The following NRXN3 variants were observed in gnomAD, a reference collection of about 807,000 sequenced individuals.
The protein encoded by NRXN3 is neurexin 3, also known as neurexin III.
NRXN3 carries 32 observed loss-of-function variants against 137.6 expected under a neutral mutation model. The ratio of observed to expected loss-of-function variants is 0.23; its 90% CI spans 0.18 to 0.31. NRXN3 has a LOEUF of 0.31. NRXN3 is among the 10% of genes least tolerant of loss of function. The probability of loss-of-function intolerance (pLI) is 1.00; values close to 1 mark genes in which losing one functional copy is unlikely to be tolerated. For missense variants in NRXN3, 1,574 were observed against 2,062.5 expected, an observed-to-expected ratio of 0.76 and a Z score of 4.59; for synonymous variants, 798 against 784.5, an observed-to-expected ratio of 1.02 and a Z score of -0.29.
At chr14:78,927,955 A>C (rs1398921963) in intron 10 of NRXN3, among the ~76,000 whole-genome samples, 1 of 152,098 alleles carries the variant, frequency 6.6e-6, no homozygotes, top group African/African-American at 2.4e-5. Context: ...GGGGGAGCTT[A>C]TCTGCCCATG....
chr14:79,359,624 A>T (rs2093614959), intron 15 of NRXN3, among the ~76,000 whole-genome samples: 2 of 145,670 alleles, frequency 1.4e-5, no homozygotes, highest in Non-Finnish European at 3.0e-5. Flanking sequence ...AGGCTGGAGT[A>T]CAGTGGCGTG....
rs180941983 is a variant in NRXN3, at chr14:79,106,253, C to T, written c.3262+118112C>T. 1.7e-3 allele frequency among the ~76,000 whole-genome samples: 262 copies of T among 152,068 alleles called. 1 individual carries two copies. Among genetic ancestry groups the T allele is most frequent in the Middle Eastern group, 0.01 (3 of 294 alleles). On this transcript the variant is annotated intron_variant, in intron 15 of 20. Coordinates refer to ENST00000335750, the MANE Select transcript of NRXN3 (RefSeq NM_001330195.2). ...CTTCCAACAAAATGGCCTTGGATGA[C>T]GGTAGGTAGCAGGATGAAGAGAGTC...
chr14:78,599,853 A>G (rs938566537), intron 4 of NRXN3, among the ~76,000 whole-genome samples: 5 of 152,234 alleles, frequency 3.3e-5, no homozygotes, highest in African/African-American at 1.2e-4. Flanking sequence ...GGGTCCCATG[A>G]AAAGCTTGCT....
intron 4 of NRXN3, among the ~76,000 whole-genome samples, chr14:78,612,454 A>G (rs973850684): frequency 1.3e-5 from 2 of 152,230 alleles, no homozygotes; most frequent in African/African-American, 4.8e-5. Flanking sequence ...TGAAAGAATG[A>G]TTTATATTGA....
intron 8 of NRXN3, among the ~76,000 whole-genome samples, chr14:78,722,947 T>A (rs1369383186): frequency 6.6e-6 from 1 of 151,816 alleles, no homozygotes; most frequent in African/African-American, 2.4e-5. Flanking sequence ...GGAAAAAAAA[T>A]TCCAGGCAGA....
intron 16 of NRXN3, among the ~76,000 whole-genome samples, chr14:79,513,192 G>T (rs765456511): frequency 1.2e-4 from 19 of 152,200 alleles, no homozygotes; most frequent in Non-Finnish European, 2.4e-4. Context: ...ACATTGGAAA[G>T]CTATCTTTTG....
chr14:78,296,060 CTTT>C (rs1204627546), intron 3 of NRXN3, among the ~76,000 whole-genome samples: 3 of 130,184 alleles, frequency 2.3e-5, no homozygotes, highest in Admixed American at 7.7e-5. Context: ...CTCTCTCTGT[CTTT>C]TTTTTTTTTT....
chr14:79,801,379 A>T (rs916794014), intron 19 of NRXN3, among the ~76,000 whole-genome samples: 1 of 152,228 alleles, frequency 6.6e-6, no homozygotes, highest in African/African-American at 2.4e-5. Context: ...AACACTTCTA[A>T]TGTGGGGTAA....
intron 15 of NRXN3, among the ~76,000 whole-genome samples, chr14:79,268,970 C>A (rs2078873497): frequency 6.6e-6 from 1 of 151,970 alleles, no homozygotes; most frequent in Non-Finnish European, 1.5e-5. Flanking sequence ...TTATTTGATC[C>A]CTTGTTCTAC....
intron 17 of NRXN3, among the ~76,000 whole-genome samples, chr14:79,677,112 A>G (rs982621986): frequency 3.3e-5 from 5 of 152,052 alleles, no homozygotes; most frequent in Non-Finnish European, 7.4e-5. Context: ...TTTACTACAA[A>G]ACTTTTAAGC....
At chr14:78,772,740 G>A (rs559515542) in intron 8 of NRXN3, among the ~76,000 whole-genome samples, 1 of 152,172 alleles carries the variant, frequency 6.6e-6, no homozygotes, top group South Asian at 2.1e-4. Flanking sequence ...GAATTCCAGT[G>A]CTGCTAGTCA....
At chr14:79,471,423 T>G (rs1458135626) in intron 16 of NRXN3, among the ~76,000 whole-genome samples, 2 of 152,324 alleles carry the variant, frequency 1.3e-5, no homozygotes, top group East Asian at 3.9e-4. Context: ...TGCTTTAAGC[T>G]CCACAGTATT....
intron 6 of NRXN3, among the ~76,000 whole-genome samples, chr14:78,701,409 T>C (rs572373495): frequency 2.0e-5 from 3 of 152,310 alleles, no homozygotes; most frequent in African/African-American, 4.8e-5. Context: ...GGCTCTGTGA[T>C]TCATGAGGGC....
rs57469863 is a variant in NRXN3 at position 78,234,994 on chromosome 14, TTATATATATATA to T, written c.-703-7379_-703-7368del. Among the ~76,000 whole-genome samples the T allele has an allele frequency of 6.8e-4, 74 of 108,786 alleles. 3 individuals carry two copies. Among genetic ancestry groups the T allele is most frequent in the East Asian group, 3.0e-3 (12 of 3,938 alleles). 71.4% of individuals were successfully genotyped at this position (108,786 alleles called of 152,430 possible). A position where few individuals can be genotyped will look rare whatever the true frequency, so the allele number is the denominator to read the frequency against. ...GATTATCTGGCAGCCACAAATGCTT[TTATATATATATA>T]TATATATATATATATATGTGTATAT... On this transcript the variant is annotated intron_variant, in intron 1 of 20. Coordinates refer to ENST00000335750, the MANE Select transcript of NRXN3 (RefSeq NM_001330195.2).
intron 16 of NRXN3, among the ~76,000 whole-genome samples, chr14:79,632,112 G>A (rs998099640): frequency 6.6e-6 from 1 of 152,104 alleles, no homozygotes; most frequent in Non-Finnish European, 1.5e-5. Flanking sequence ...CACTCTTAGG[G>A]TCTGTGCCGC....
At chr14:78,904,321 C>T (rs1193595333) in intron 10 of NRXN3, among the ~76,000 whole-genome samples, 2 of 151,960 alleles carry the variant, frequency 1.3e-5, no homozygotes, top group East Asian at 3.9e-4. Context: ...TGCTAAATAT[C>T]TCAGAGTACA....
intron 4 of NRXN3, among the ~76,000 whole-genome samples, chr14:78,317,267 G>T (rs922802684): frequency 1.3e-4 from 20 of 152,172 alleles, no homozygotes; most frequent in Non-Finnish European, 2.4e-4. Context: ...CCCCCAGGCT[G>T]TGGACCAGTG....
At chr14:79,820,379 G>A (rs2099267893) in intron 20 of NRXN3, among the ~76,000 whole-genome samples, 1 of 152,128 alleles carries the variant, frequency 6.6e-6, no homozygotes, top group African/African-American at 2.4e-5. Context: ...GTCCTGAGGT[G>A]AATAACGTGT....
intron 15 of NRXN3, among the ~76,000 whole-genome samples, chr14:79,117,915 T>A (rs756774251): frequency 3.9e-5 from 6 of 152,078 alleles, no homozygotes; most frequent in Non-Finnish European, 7.4e-5. Context: ...CCTGAGTGTG[T>A]GCTTAGGGGT....
Sources: allele counts gnomAD v4.1 joint callset (sites outside exome capture counted in the v4.1 genomes callset), GRCh38; gene constraint gnomAD v4.1.1; transcripts MANE v1.5; gene names NCBI Gene and HGNC (gene_info 2026-07-23, HGNC 2026-07-21).